The following SYT2 variants were observed in gnomAD, a reference collection of about 807,000 sequenced individuals.
SYT2 encodes the protein synaptotagmin-2.
Under a neutral mutation model 39.9 loss-of-function variants are expected in SYT2, and 15 were observed. The ratio of observed to expected loss-of-function variants is 0.38; its 90% CI spans 0.25 to 0.58. The LOEUF is 0.58. SYT2 is among the 20% of genes least tolerant of loss of function. SYT2 has a pLI of 0.70. For synonymous variants in SYT2, 181 were observed against 204.5 expected (o/e 0.89, Z 0.98); for missense variants, 389 against 530.3 (o/e 0.73, Z 2.62).
At chr1:202,602,569 G>C (rs201729895) in intron 4 of SYT2, 24 bp from the exon 5 acceptor site, 1 of 1,602,232 alleles carries the variant, frequency 6.2e-7, no homozygotes. Flanking sequence ...TGGGGAGAAG[G>C]GGCCTGAGTC....
At chr1:202,630,901 G>A (rs1454508453) in intron 1 of SYT2, among the ~76,000 whole-genome samples, 1 of 152,236 alleles carries the variant, frequency 6.6e-6, no homozygotes, top group Non-Finnish European at 1.5e-5. Flanking sequence ...ATGGAAGTGG[G>A]CAGAGGACTG....
intron 1 of SYT2, among the ~76,000 whole-genome samples, chr1:202,631,050 A>G (rs1691574588): frequency 6.6e-6 from 1 of 152,184 alleles, no homozygotes; most frequent in African/African-American, 2.4e-5. Flanking sequence ...CACACATAGC[A>G]CATATCACAG....
At chr1:202,616,462 G>A (rs1237863597) in intron 1 of SYT2, among the ~76,000 whole-genome samples, 3 of 151,898 alleles carry the variant, frequency 2.0e-5, no homozygotes, top group African/African-American at 7.3e-5. Context: ...TCTCCCCTTC[G>A]TGACCACGCA....
In SYT2 at chr1:202,687,923, GA is replaced by G. The variant is rs200542949; in HGVS notation, c.-18+22334del. 2.9e-3 allele frequency among the ~76,000 whole-genome samples: 436 copies of G among 151,882 alleles called. 3 individuals carry two copies. Among genetic ancestry groups the G allele is most frequent in the Non-Finnish European group, 4.7e-3 (316 of 67,942 alleles). ...TGAACTGAAGCTGAAATAAGCAAGG[GA>G]AAAAAAATGTCTTTTCACAATGTCA... On this transcript the variant is annotated intron_variant, in intron 1 of 8. Coordinates refer to ENST00000367268, the MANE Select transcript of SYT2 (RefSeq NM_177402.5).
intron 1 of SYT2, among the ~76,000 whole-genome samples, chr1:202,643,067 G>A (rs1180319134): frequency 4.6e-5 from 7 of 152,222 alleles, no homozygotes; most frequent in African/African-American, 1.4e-4. Context: ...TGGATTTCCG[G>A]ATTACAGTTC....
chr1:202,701,580 C>T (rs891306047), intron 1 of SYT2, among the ~76,000 whole-genome samples: 63 of 152,262 alleles, frequency 4.1e-4, no homozygotes, highest in African/African-American at 1.4e-3. Flanking sequence ...CTTTGCTTAG[C>T]GGGTGTGTAG....
intron 1 of SYT2, among the ~76,000 whole-genome samples, chr1:202,649,990 C>T (rs1039943664): frequency 1.3e-5 from 2 of 152,250 alleles, no homozygotes; most frequent in Admixed American, 1.3e-4. Flanking sequence ...TACAGATCTT[C>T]TCCATCCCCT....
At chr1:202,634,247 G>A (rs572647749) in intron 1 of SYT2, among the ~76,000 whole-genome samples, 3 of 152,352 alleles carry the variant, frequency 2.0e-5, no homozygotes, top group African/African-American at 4.8e-5. Flanking sequence ...GCCGGGAGAG[G>A]TGGGTCACAC....
chr1:202,600,622 G>A, intron 6 of SYT2, 148 bp from the exon 7 acceptor site: 1 of 681,184 alleles, frequency 1.5e-6, no homozygotes, highest in Non-Finnish European at 2.5e-6. Context: ...GGCCGAGAAG[G>A]TCTTCCAGCA....
At chr1:202,703,867 A>G (rs1377985236) in intron 1 of SYT2, among the ~76,000 whole-genome samples, 2 of 152,218 alleles carry the variant, frequency 1.3e-5, no homozygotes, top group Non-Finnish European at 2.9e-5. Flanking sequence ...CCCTGTATTA[A>G]GATGCATGGA....
intron 1 of SYT2, among the ~76,000 whole-genome samples, chr1:202,658,385 C>T (rs1692316957): frequency 1.3e-5 from 2 of 152,126 alleles, no homozygotes; most frequent in Non-Finnish European, 2.9e-5. Context: ...GCCAGCCAGG[C>T]CTAGCCACCG....
intron 1 of SYT2, among the ~76,000 whole-genome samples, chr1:202,700,771 T>C (rs1417606451): frequency 6.6e-6 from 1 of 152,184 alleles, no homozygotes; most frequent in Non-Finnish European, 1.5e-5. Context: ...ATTACTTTGA[T>C]TGAAAGATGA....
intron 1 of SYT2, among the ~76,000 whole-genome samples, chr1:202,653,692 C>T (rs762221400): frequency 9.2e-5 from 14 of 152,188 alleles, no homozygotes; most frequent in African/African-American, 2.4e-4. Context: ...TGGAGTCCCA[C>T]GATGGAGGCA....
At chr1:202,683,377 A>C (rs1653574415) in intron 1 of SYT2, among the ~76,000 whole-genome samples, 1 of 152,194 alleles carries the variant, frequency 6.6e-6, no homozygotes, top group Admixed American at 6.5e-5. Context: ...ATGTGGATAA[A>C]CCATAACTAC....
intron 1 of SYT2, among the ~76,000 whole-genome samples, chr1:202,684,504 G>A (rs1041946062): frequency 2.6e-5 from 4 of 151,988 alleles, no homozygotes; most frequent in South Asian, 2.1e-4. Flanking sequence ...ACATTCCATC[G>A]TGTATATGCG....
intron 1 of SYT2, among the ~76,000 whole-genome samples, chr1:202,684,438 T>A (rs1425549422): frequency 6.6e-6 from 1 of 152,192 alleles, no homozygotes; most frequent in Non-Finnish European, 1.5e-5. Context: ...GTCCTCCAGG[T>A]TCATCCATGC....
chr1:202,690,101 C>A (rs1302242547), intron 1 of SYT2, among the ~76,000 whole-genome samples: 1 of 144,480 alleles, frequency 6.9e-6, no homozygotes, highest in African/African-American at 2.6e-5. Flanking sequence ...GGAACTGAGA[C>A]CTACACCCAC....
In SYT2 at chr1:202,602,141, C is replaced by T. The variant is rs572387874; in HGVS notation, c.634-84G>A. On this transcript the variant is annotated intron_variant, in intron 5 of 8. Transcript: ENST00000367268. ...CTATGGGCAGGGGCCTGCATTCCAG[C>T]CCACAGGGTCCAGGTTAGTGTGCCG... 4.6e-6 allele frequency: 7 copies of T among 1,527,964 alleles called. No homozygotes were observed. The Admixed American group carries it at 1.3e-4, about 28-fold the overall frequency. The allele number at this position is 1,527,964 out of a possible 1,614,324, so 94.7% of individuals were successfully genotyped here. A position where few individuals can be genotyped will look rare whatever the true frequency, so the allele number is the denominator to read the frequency against.
chr1:202,597,026 T>C, intron 8 of SYT2, 63 bp from the exon 9 acceptor site: 1 of 1,447,488 alleles, frequency 6.9e-7, no homozygotes, highest in Non-Finnish European at 9.6e-7. Flanking sequence ...ACCAAATTTA[T>C]CCTCCATCAA....
Sources: allele counts gnomAD v4.1 joint callset (sites outside exome capture counted in the v4.1 genomes callset), GRCh38; gene constraint gnomAD v4.1.1; transcripts MANE v1.5; gene names NCBI Gene and HGNC (gene_info 2026-07-23, HGNC 2026-07-21).